The following CADM2 variants were observed in gnomAD, a reference collection of about 807,000 sequenced individuals.
The protein encoded by CADM2 is cell adhesion molecule 2.
In CADM2, 12 loss-of-function variants were observed where a neutral mutation model predicts 49.8. The observed-to-expected ratio is 0.24, with a 90% CI of 0.15 to 0.39. The LOEUF (loss-of-function observed/expected upper bound fraction) is 0.39. Ranked by LOEUF, CADM2 falls within the 10% of genes least tolerant of loss-of-function variation. The pLI, the probability that CADM2 is intolerant of heterozygous loss-of-function variation, is 1.00. For missense variants in CADM2, 378 were observed against 492.3 expected (o/e 0.77, Z 2.20); for synonymous variants, 214 against 175.4 (o/e 1.22, Z -1.74).
intron 1 of CADM2, among the ~76,000 whole-genome samples, chr3:85,344,417 AAAT>A (rs959721749): frequency 6.8e-5 from 10 of 147,586 alleles, no homozygotes; most frequent in Non-Finnish European, 1.3e-4. Context: ...ATAAATAAAT[AAAT>A]AATAATTATA....
chr3:85,385,931 A>G (rs1157306434), intron 1 of CADM2: 2 of 151,884 alleles, frequency 1.3e-5, no homozygotes, highest in Non-Finnish European at 2.9e-5. Context: ...TTTGCATGTT[A>G]CATTCATATC....
chr3:85,895,375 G>T (rs1577592184), intron 5 of CADM2, among the ~76,000 whole-genome samples: 1 of 152,280 alleles, frequency 6.6e-6, no homozygotes, highest in South Asian at 2.1e-4. Context: ...CTTCATTTTG[G>T]CCAATTTCTC....
intron 8 of CADM2, among the ~76,000 whole-genome samples, chr3:86,034,286 G>T (rs1734904897): frequency 6.6e-6 from 1 of 151,946 alleles, no homozygotes; most frequent in Non-Finnish European, 1.5e-5. Context: ...TTTATGTGTT[G>T]AAAGTTCATT....
intron 1 of CADM2, among the ~76,000 whole-genome samples, chr3:85,597,947 A>G (rs1210928252): frequency 6.6e-6 from 1 of 152,064 alleles, no homozygotes; most frequent in Non-Finnish European, 1.5e-5. Context: ...ATTTATTTTA[A>G]AATTCTTGTA....
At chr3:85,427,552 C>A (rs911267901) in intron 1 of CADM2, among the ~76,000 whole-genome samples, 1 of 151,928 alleles carries the variant, frequency 6.6e-6, no homozygotes, top group Non-Finnish European at 1.5e-5. Flanking sequence ...GAGTCATCAC[C>A]TTCTGAATTA....
intron 1 of CADM2, among the ~76,000 whole-genome samples, chr3:85,637,531 A>G (rs1251319247): frequency 1.4e-5 from 2 of 148,048 alleles, no homozygotes; most frequent in Admixed American, 6.8e-5. Flanking sequence ...GAACCCGGGA[A>G]GCGGAGCTTG....
chr3:85,058,220 A>T (rs2036167646), intron 1 of CADM2, among the ~76,000 whole-genome samples: 1 of 152,148 alleles, frequency 6.6e-6, no homozygotes, highest in Non-Finnish European at 1.5e-5. Flanking sequence ...ATTTATTATA[A>T]ATTTAGCAGA....
intron 3 of CADM2, among the ~76,000 whole-genome samples, chr3:85,839,232 T>G (rs1433392016): frequency 6.6e-6 from 1 of 151,834 alleles, no homozygotes; most frequent in African/African-American, 2.4e-5. Context: ...GCTCCGATTT[T>G]TTTCCCTTGC....
intron 1 of CADM2, among the ~76,000 whole-genome samples, chr3:85,438,364 GAA>G (rs35614735): frequency 2.3e-4 from 33 of 145,844 alleles, no homozygotes; most frequent in South Asian, 6.5e-4. Context: ...CGTGGTGTTT[GAA>G]AAAAAAAAAA....
chr3:85,695,571 CAT>C (rs1285092421), intron 1 of CADM2, among the ~76,000 whole-genome samples: 1 of 151,450 alleles, frequency 6.6e-6, no homozygotes, highest in East Asian at 1.9e-4. Flanking sequence ...TATATATACA[CAT>C]ATATATACGG....
chr3:85,489,806 T>G (rs55994690), intron 1 of CADM2, among the ~76,000 whole-genome samples: 1 of 143,920 alleles, frequency 6.9e-6, no homozygotes, highest in Non-Finnish European at 1.5e-5. Context: ...TGTGTGTGTG[T>G]GAGAGAGAGA....
At chr3:85,352,794 C>G (rs2031477164) in intron 1 of CADM2, among the ~76,000 whole-genome samples, 1 of 152,214 alleles carries the variant, frequency 6.6e-6, no homozygotes, top group African/African-American at 2.4e-5. Flanking sequence ...CCTAGCTTTT[C>G]AAATGATTTT....
intron 1 of CADM2, among the ~76,000 whole-genome samples, chr3:85,375,230 C>A (rs1285716816): frequency 6.6e-6 from 1 of 152,140 alleles, no homozygotes; most frequent in East Asian, 1.9e-4. Context: ...AAGTGGAATA[C>A]TATGCCAAAT....
chr3:85,759,437 TATG>T (rs1317998264), intron 2 of CADM2, among the ~76,000 whole-genome samples: 39 of 152,106 alleles, frequency 2.6e-4, no homozygotes, highest in Non-Finnish European at 5.1e-4. Context: ...TAAAATAATG[TATG>T]ATATTGCATA....
intron 1 of CADM2, among the ~76,000 whole-genome samples, chr3:85,637,935 A>G (rs1405581123): frequency 6.6e-6 from 1 of 152,200 alleles, no homozygotes; most frequent in Non-Finnish European, 1.5e-5. Flanking sequence ...AAAGGCATCA[A>G]GGTCCCACAA....
chr3:85,841,527 A>G (rs543485905), intron 3 of CADM2, among the ~76,000 whole-genome samples: 1 of 152,140 alleles, frequency 6.6e-6, no homozygotes, highest in East Asian at 1.9e-4. Context: ...GGGAGTCCAC[A>G]CTGTTTTCAG....
intron 1 of CADM2, among the ~76,000 whole-genome samples, chr3:85,692,145 A>T (rs533393432): frequency 1.8e-4 from 27 of 152,260 alleles, no homozygotes; most frequent in Admixed American, 9.8e-4. Context: ...AAATTAAATT[A>T]AAAAAAGAGA....
At chr3:85,363,996 C>A (rs1376606342) in intron 1 of CADM2, among the ~76,000 whole-genome samples, 1 of 152,152 alleles carries the variant, frequency 6.6e-6, no homozygotes, top group Admixed American at 6.5e-5. Context: ...TTCTGCATTA[C>A]CTTATCATTA....
intron 1 of CADM2, among the ~76,000 whole-genome samples, chr3:85,589,650 A>G (rs1400581764): frequency 6.6e-5 from 10 of 152,058 alleles, no homozygotes; most frequent in Non-Finnish European, 5.9e-5. Context: ...TAGTATTGAT[A>G]TTTACATACA....
Sources: gnomAD v4.1 joint callset for allele counts (sites outside exome capture counted in the v4.1 genomes callset) on GRCh38, gnomAD v4.1.1 for gene constraint, MANE v1.5 for transcripts, NCBI Gene and HGNC (gene_info 2026-07-23, HGNC 2026-07-21) for gene names.